The following PDZRN4 variants were observed in gnomAD, a reference collection of about 807,000 sequenced individuals.
The protein encoded by PDZRN4 is PDZ domain containing ring finger 4.
In PDZRN4, 70 loss-of-function variants were observed where a neutral mutation model predicts 99.0. The observed-to-expected ratio is 0.71, with a 90% CI of 0.58 to 0.86. PDZRN4 has a LOEUF of 0.86. PDZRN4 is among the 40% of genes least tolerant of loss of function. The pLI, the probability that PDZRN4 is intolerant of heterozygous loss-of-function variation, is 0.00. For synonymous variants in PDZRN4, 551 were observed against 501.6 expected, an observed-to-expected ratio of 1.10 and a Z score of -1.32; for missense variants, 1,474 against 1,331.2, an observed-to-expected ratio of 1.11 and a Z score of -1.67.
intron 3 of PDZRN4, among the ~76,000 whole-genome samples, chr12:41,463,962 C>A (rs966161680): frequency 6.6e-6 from 1 of 152,118 alleles, no homozygotes; most frequent in African/African-American, 2.4e-5. Flanking sequence ...AGCCAGCTTA[C>A]CCCCACAGGA....
intron 3 of PDZRN4, among the ~76,000 whole-genome samples, chr12:41,234,701 T>C (rs1347139342): frequency 6.6e-6 from 1 of 152,098 alleles, no homozygotes; most frequent in African/African-American, 2.4e-5. Context: ...CGTTTTCTTT[T>C]CTCAGTTGCT....
At chr12:41,344,689 T>A (rs1324712161) in intron 3 of PDZRN4, among the ~76,000 whole-genome samples, 1 of 150,684 alleles carries the variant, frequency 6.6e-6, no homozygotes, top group Non-Finnish European at 1.5e-5. Flanking sequence ...ATATAATGCC[T>A]GTTTCTGTGC....
At chr12:41,319,438 G>T (rs780017322) in intron 3 of PDZRN4, among the ~76,000 whole-genome samples, 3 of 152,076 alleles carry the variant, frequency 2.0e-5, no homozygotes, top group African/African-American at 4.8e-5. Context: ...TGTGGCCACA[G>T]TCTCACAGCC....
chr12:41,286,336 CTTTTTTTTT>C (rs71081721), intron 3 of PDZRN4, among the ~76,000 whole-genome samples: 33 of 106,288 alleles, frequency 3.1e-4, no homozygotes, highest in African/African-American at 1.2e-3. Context: ...CCTTCTTCTT[CTTTTTTTTT>C]TTTTTTTTTT....
intron 3 of PDZRN4, among the ~76,000 whole-genome samples, chr12:41,479,525 A>G (rs1937640465): frequency 6.6e-6 from 1 of 152,224 alleles, no homozygotes; most frequent in Non-Finnish European, 1.5e-5. Flanking sequence ...AAATCGTTTA[A>G]ATTGAAGTAG....
intron 3 of PDZRN4, among the ~76,000 whole-genome samples, chr12:41,430,286 G>A (rs1280794130): frequency 6.6e-6 from 1 of 152,062 alleles, no homozygotes; most frequent in Non-Finnish European, 1.5e-5. Flanking sequence ...TGGCCAACAT[G>A]GTGAAATCCC....
intron 3 of PDZRN4, among the ~76,000 whole-genome samples, chr12:41,476,573 A>G (rs1565593044): frequency 7.9e-5 from 12 of 152,090 alleles, no homozygotes; most frequent in Admixed American, 7.9e-4. Flanking sequence ...TCCCCTTCCC[A>G]ATGCTCCTAC....
At chr12:41,520,280 T>C (rs1938471201) in intron 5 of PDZRN4, among the ~76,000 whole-genome samples, 1 of 152,152 alleles carries the variant, frequency 6.6e-6, no homozygotes, top group Non-Finnish European at 1.5e-5. Context: ...CCATTTGCCT[T>C]ATGTGCCATT....
chr12:41,361,466 A>G (rs1480785988), intron 3 of PDZRN4, among the ~76,000 whole-genome samples: 1 of 152,038 alleles, frequency 6.6e-6, no homozygotes, highest in Non-Finnish European at 1.5e-5. Context: ...TTTTAGCAAT[A>G]AAATTTGGCT....
At chr12:41,530,408 G>A (rs1051424756) in intron 5 of PDZRN4, among the ~76,000 whole-genome samples, 8 of 151,868 alleles carry the variant, frequency 5.3e-5, no homozygotes, top group African/African-American at 1.5e-4. Flanking sequence ...ATTTTTTTCC[G>A]AAAATTCTGA....
intron 5 of PDZRN4, among the ~76,000 whole-genome samples, chr12:41,524,370 C>T (rs1350441461): frequency 6.6e-6 from 1 of 152,116 alleles, no homozygotes; most frequent in East Asian, 1.9e-4. Context: ...CAGTATGAGA[C>T]AGGTATTATA....
intron 3 of PDZRN4, among the ~76,000 whole-genome samples, chr12:41,504,053 G>A (rs905912536): frequency 3.3e-5 from 5 of 151,962 alleles, no homozygotes; most frequent in Non-Finnish European, 5.9e-5. Context: ...GGTAGATCAC[G>A]AGGTTAGGAG....
At chr12:41,404,058 C>T (rs1952324018) in intron 3 of PDZRN4, among the ~76,000 whole-genome samples, 1 of 152,092 alleles carries the variant, frequency 6.6e-6, no homozygotes, top group South Asian at 2.1e-4. Context: ...GCACATCCTC[C>T]TACATAGTTT....
chr12:41,493,633 G>A (rs1937932260), intron 3 of PDZRN4, among the ~76,000 whole-genome samples: 1 of 152,080 alleles, frequency 6.6e-6, no homozygotes, highest in Non-Finnish European at 1.5e-5. Flanking sequence ...CCTTCAGTTG[G>A]TTACAACTCT....
chr12:41,244,667 CTTTTTTTTTT>C (rs750126673), intron 3 of PDZRN4, among the ~76,000 whole-genome samples: 11 of 113,000 alleles, frequency 9.7e-5, no homozygotes, highest in African/African-American at 1.7e-4. Context: ...ACACCAATGT[CTTTTTTTTTT>C]TTTTTTTTTT....
At chr12:41,568,291 T>C (rs1939414383) in intron 9 of PDZRN4, among the ~76,000 whole-genome samples, 1 of 152,218 alleles carries the variant, frequency 6.6e-6, no homozygotes, top group Non-Finnish European at 1.5e-5. Context: ...TGTATCTATT[T>C]GAATACTTAG....
intron 3 of PDZRN4, among the ~76,000 whole-genome samples, chr12:41,344,182 T>C (rs1951836937): frequency 6.6e-6 from 1 of 152,142 alleles, no homozygotes; most frequent in African/African-American, 2.4e-5. Flanking sequence ...CAATGAGGCT[T>C]TTTATCTTAA....
chr12:41,445,270 A>G (rs1952715523), intron 3 of PDZRN4, among the ~76,000 whole-genome samples: 2 of 152,094 alleles, frequency 1.3e-5, no homozygotes, highest in Non-Finnish European at 2.9e-5. Context: ...TCTCATTAGA[A>G]AATTATTTAA....
At chr12:41,478,891 TA>T (rs980067093) in intron 3 of PDZRN4, among the ~76,000 whole-genome samples, 3 of 152,084 alleles carry the variant, frequency 2.0e-5, no homozygotes, top group Admixed American at 2.0e-4. Flanking sequence ...GAAACACACA[TA>T]AAATGACAAA....
Sources: allele counts gnomAD v4.1 joint callset (sites outside exome capture counted in the v4.1 genomes callset), GRCh38; gene constraint gnomAD v4.1.1; transcripts MANE v1.5; gene names NCBI Gene and HGNC (gene_info 2026-07-23, HGNC 2026-07-21).